GCNT2: variants seen among roughly 807,000 people sequenced by gnomAD.
The protein encoded by GCNT2 is N-acetyllactosaminide beta-1,6-N-acetylglucosaminyl-transferase.
GCNT2 carries 34 observed loss-of-function variants against 34.2 expected under a neutral mutation model. That is an observed-to-expected ratio of 1.00 (90% CI 0.76 to 1.32). The LOEUF is 1.32. GCNT2 is among the 40% of genes most tolerant of loss of function. GCNT2 has a pLI of 0.00. For synonymous variants in GCNT2, 212 were observed against 188.0 expected, an observed-to-expected ratio of 1.13 and a Z score of -1.04; for missense variants, 584 against 489.4, an observed-to-expected ratio of 1.19 and a Z score of -1.82.
chr6:10,522,970 A>G (rs1760990444), intron 1 of GCNT2, among the ~76,000 whole-genome samples: 1 of 152,158 alleles, frequency 6.6e-6, no homozygotes, highest in South Asian at 2.1e-4. Context: ...TCTCCCGGAG[A>G]CCCTGGCTTG....
At chr6:10,608,175 T>A (rs1439612330) in intron 3 of GCNT2, among the ~76,000 whole-genome samples, 2 of 151,654 alleles carry the variant, frequency 1.3e-5, no homozygotes, top group Non-Finnish European at 2.9e-5. Context: ...CCTCCCGGGT[T>A]CAAGTGATTC....
chr6:10,620,267 C>A (rs752619666), intron 3 of GCNT2, among the ~76,000 whole-genome samples: 1 of 152,164 alleles, frequency 6.6e-6, no homozygotes, highest in Non-Finnish European at 1.5e-5. Context: ...AATTTGGGTA[C>A]AGATAGCATT....
At chr6:10,523,988 A>C (rs1264691810) in intron 1 of GCNT2, among the ~76,000 whole-genome samples, 15 of 149,758 alleles carry the variant, frequency 1.0e-4, no homozygotes, top group Non-Finnish European at 1.9e-4. Context: ...AAAAAAAAAA[A>C]AAAAACCAAG....
chr6:10,527,048 T>C (rs998607022), intron 1 of GCNT2, among the ~76,000 whole-genome samples: 1 of 152,200 alleles, frequency 6.6e-6, no homozygotes, highest in Non-Finnish European at 1.5e-5. Context: ...GATACAAATA[T>C]ATATCTCCTA....
At chr6:10,530,767 T>C (rs1287166909) in intron 3 of GCNT2, among the ~76,000 whole-genome samples, 1 of 151,842 alleles carries the variant, frequency 6.6e-6, no homozygotes, top group Non-Finnish European at 1.5e-5. Context: ...ACCTTAAAGA[T>C]TTCTAGGCTG....
chr6:10,626,429 A>C lies in GCNT2; in HGVS notation c.1031A>C (p.His344Pro), dbSNP rs773424919. Residue 344 changes from histidine to proline, a missense_variant, in exon 5 of 5, where the codon CAT (histidine) becomes CCT (proline). Physicochemically the swap from His to Pro is moderately conservative, Grantham distance 77. Transcript: ENST00000495262. ...CTTTCTTTTGCAGGCCACTATGTAC[A>C]TGGTATTTGTATCTATGGAAACGGA... ...RHGGCHGHYV[H>P]GICIYGNGDL... is the part of the protein sequence containing the mutation. The C allele has an allele frequency of 3.7e-6, 6 of 1,611,678 alleles. No homozygotes were observed. The highest frequency in any genetic ancestry group is 5.1e-6 in the Non-Finnish European group (6 of 1,177,888).
At chr6:10,599,509 C>T (rs375283658) in intron 3 of GCNT2, among the ~76,000 whole-genome samples, 3 of 152,056 alleles carry the variant, frequency 2.0e-5, no homozygotes, top group Admixed American at 6.6e-5. Context: ...TGTATCCCAG[C>T]GGAGGTAAGA....
In GCNT2 at chr6:10,547,835, A is replaced by T. The variant is rs140732335; in HGVS notation, c.925+17999A>T. Among the ~76,000 whole-genome samples the T allele has an allele frequency of 4.0e-4, 61 of 152,246 alleles. No individual in the cohort carries two copies. In the East Asian group the frequency reaches 0.01, roughly 26 times the overall value. Reference sequence around the variant, plus strand: ...CCTTCTCCTGTGTGTTGGCTTATTTATTTATATCTCTGGGGACTTAGATTT... The same window carrying T: ...CCTTCTCCTGTGTGTTGGCTTATTTTTTTATATCTCTGGGGACTTAGATTT... On this transcript the variant is annotated intron_variant, in intron 3 of 4. Transcript: ENST00000495262.
intron 3 of GCNT2, among the ~76,000 whole-genome samples, chr6:10,579,619 C>A (rs908195489): frequency 6.6e-6 from 1 of 151,864 alleles, no homozygotes; most frequent in Non-Finnish European, 1.5e-5. Context: ...AGCTTGAGAC[C>A]AGCCTGGCCT....
At chr6:10,615,252 A>C (rs1384167246) in intron 3 of GCNT2, among the ~76,000 whole-genome samples, 3 of 152,180 alleles carry the variant, frequency 2.0e-5, no homozygotes, top group Non-Finnish European at 4.4e-5. Flanking sequence ...ATCACACACA[A>C]GAATCTTCTG....
intron 3 of GCNT2, among the ~76,000 whole-genome samples, chr6:10,562,107 G>A (rs979926682): frequency 6.6e-6 from 1 of 152,114 alleles, no homozygotes; most frequent in Non-Finnish European, 1.5e-5. Flanking sequence ...CTGGATCAGC[G>A]AGTCAAACCG....
chr6:10,548,921 G>C (rs1472745294), intron 3 of GCNT2, among the ~76,000 whole-genome samples: 1 of 152,182 alleles, frequency 6.6e-6, no homozygotes, highest in Non-Finnish European at 1.5e-5. Context: ...ACCACACCCG[G>C]CTAATTTTTG....
chr6:10,613,193 G>C (rs761455321), intron 3 of GCNT2, among the ~76,000 whole-genome samples: 6 of 152,112 alleles, frequency 3.9e-5, no homozygotes, highest in Admixed American at 6.6e-5. Context: ...TATAAATAAA[G>C]CTTGCATTTC....
intron 3 of GCNT2, among the ~76,000 whole-genome samples, chr6:10,618,278 C>A (rs1274494748): frequency 6.6e-6 from 1 of 152,142 alleles, no homozygotes; most frequent in Non-Finnish European, 1.5e-5. Context: ...TAAGCACATA[C>A]GTGTTTGACA....
intron 3 of GCNT2, among the ~76,000 whole-genome samples, chr6:10,595,328 A>T (rs1176290291): frequency 1.3e-5 from 2 of 151,764 alleles, no homozygotes; most frequent in African/African-American, 4.8e-5. Context: ...CCCAGGCTGG[A>T]GTGCAGTGGC....
intron 3 of GCNT2, among the ~76,000 whole-genome samples, chr6:10,597,227 C>T (rs1245766357): frequency 6.9e-6 from 1 of 144,786 alleles, no homozygotes; most frequent in Non-Finnish European, 1.5e-5. Flanking sequence ...ATGATCTCGG[C>T]TCACTGCAAC....
intron 3 of GCNT2, chr6:10,557,406 C>G (rs1160305193): frequency 2.4e-6 from 3 of 1,268,970 alleles, no homozygotes; most frequent in Non-Finnish European, 2.3e-6. Context: ...TTTAGAATAA[C>G]CAGCCACTTT....
intron 1 of GCNT2, among the ~76,000 whole-genome samples, chr6:10,526,796 A>G (rs960755395): frequency 6.6e-6 from 1 of 152,202 alleles, no homozygotes; most frequent in Non-Finnish European, 1.5e-5. Context: ...TTTAGAAACT[A>G]TCTACGATAT....
rs1561807314 is a variant in GCNT2 at position 10,569,849 on chromosome 6, CTCTTT to C, written c.925+40014_925+40018del. On this transcript the variant is annotated intron_variant, in intron 3 of 4. Transcript: ENST00000495262. ...TCTTCCTTCCTTCCTTCCTTCCTTT[CTCTTT>C]CTTTCTCTTTCTTTCTTTCTTTCTC... Among the ~76,000 whole-genome samples, 914 of 146,056 alleles carry C rather than the reference CTCTTT, an allele frequency of 6.3e-3. 10 individuals carry two copies. The highest frequency in any genetic ancestry group is 0.021 in the African/African-American group (842 of 39,522).
Sources: gnomAD v4.1 joint callset for allele counts (sites outside exome capture counted in the v4.1 genomes callset) on GRCh38, gnomAD v4.1.1 for gene constraint, MANE v1.5 for transcripts, NCBI Gene and HGNC (gene_info 2026-07-23, HGNC 2026-07-21) for gene names.